The following TGIF2 variants were observed in gnomAD, a reference collection of about 807,000 sequenced individuals.
The protein encoded by TGIF2 is TGFB induced factor homeobox 2.
Under a neutral mutation model 15.1 loss-of-function variants are expected in TGIF2, and 5 were observed. The ratio of observed to expected loss-of-function variants is 0.33; its 90% CI spans 0.17 to 0.70. The LOEUF (loss-of-function observed/expected upper bound fraction) is 0.70. Among genes scored for constraint, TGIF2 ranks in the 30% least tolerant of loss-of-function variants. The pLI is 0.67. For synonymous variants in TGIF2, 131 were observed against 128.9 expected, an observed-to-expected ratio of 1.02 and a Z score of -0.11; for missense variants, 264 against 302.5, an observed-to-expected ratio of 0.87 and a Z score of 0.94.
intron 1 of TGIF2, among the ~76,000 whole-genome samples, chr20:36,576,754 G>T (rs544524854): frequency 2.9e-4 from 44 of 152,160 alleles, no homozygotes; most frequent in Non-Finnish European, 5.9e-4. Context: ...CTCTCAGATG[G>T]GAGGGCAGTA....
chr20:36,577,526 T>G (rs915237686), intron 1 of TGIF2, among the ~76,000 whole-genome samples: 10 of 146,312 alleles, frequency 6.8e-5, no homozygotes, highest in Admixed American at 5.4e-4. Flanking sequence ...TTGTTTTTGT[T>G]TTTTTTTTTT....
intron 2 of TGIF2, among the ~76,000 whole-genome samples, chr20:36,584,735 C>T (rs1452125914): frequency 6.6e-6 from 1 of 151,982 alleles, no homozygotes; most frequent in Admixed American, 6.6e-5. Flanking sequence ...TTAGTAAAGA[C>T]AGGGTTTCAC....
intron 2 of TGIF2, among the ~76,000 whole-genome samples, chr20:36,583,707 G>A (rs569049720): frequency 5.5e-4 from 84 of 152,260 alleles, no homozygotes; most frequent in African/African-American, 2.0e-3. Context: ...GGCCAGCCTG[G>A]CCAACATGGC....
Position 36,592,775 on chromosome 20 carries a change from CT to C in TGIF2, c.*1347del, listed in dbSNP as rs2038789528. 1 of 154,700 alleles carries C rather than the reference CT, an allele frequency of 6.5e-6. No individual in the cohort carries two copies. Among genetic ancestry groups the C allele is most frequent in the Admixed American group, 6.5e-5 (1 of 15,312 alleles). 9.6% of individuals were successfully genotyped at this position (154,700 alleles called of 1,614,324 possible). On this transcript the variant is annotated 3_prime_UTR_variant, in exon 3 of 3. Transcript: ENST00000373872. ...ATAACGATTGGTCTTATGCTCCTCC[CT>C]TTCCCCCATTTTTTCTTTTGCTGTT... is the stretch of plus-strand genomic sequence containing the variant.
In TGIF2 at chr20:36,576,352, G is replaced by A. The variant is rs112449943; in HGVS notation, c.-34-2389G>A. ...CAGGCTAAAGGGGCCTGACAAAGGAGAATGTCCAAGAAGCAACCAGTAGAG... is the reference window on the plus strand; with the variant it reads ...CAGGCTAAAGGGGCCTGACAAAGGAAAATGTCCAAGAAGCAACCAGTAGAG... On this transcript the variant is annotated intron_variant, in intron 1 of 2. Coordinates refer to ENST00000373872, the MANE Select transcript of TGIF2 (RefSeq NM_021809.7). Among the ~76,000 whole-genome samples the A allele has an allele frequency of 6.1e-3, 934 of 152,324 alleles. 10 individuals carry two copies. The highest frequency in any genetic ancestry group is 0.022 in the African/African-American group (902 of 41,562).
chr20:36,588,457 G>A (rs1256786050), intron 2 of TGIF2, among the ~76,000 whole-genome samples: 2 of 137,904 alleles, frequency 1.5e-5, no homozygotes, highest in Admixed American at 1.7e-4. Context: ...CCTCTGCCTT[G>A]TGGGTTCAAG....
chr20:36,586,349 C>T (rs2038657900), intron 2 of TGIF2, among the ~76,000 whole-genome samples: 1 of 152,096 alleles, frequency 6.6e-6, no homozygotes, highest in African/African-American at 2.4e-5. Flanking sequence ...AACTCCACCC[C>T]TCACCCCCAC....
chr20:36,580,450 T>C (rs2038520216), intron 2 of TGIF2, among the ~76,000 whole-genome samples: 1 of 151,900 alleles, frequency 6.6e-6, no homozygotes, highest in Middle Eastern at 3.4e-3. Context: ...TATTCCCTCA[T>C]CTGAAAAAAG....
At chr20:36,590,190 C>CA (rs1253262710) in intron 2 of TGIF2, among the ~76,000 whole-genome samples, 2 of 151,996 alleles carry the variant, frequency 1.3e-5, no homozygotes, top group East Asian at 3.9e-4. Flanking sequence ...TCCCTGGGCT[C>CA]AAGTGATCTG....
chr20:36,589,627 G>A (rs907670652), intron 2 of TGIF2, among the ~76,000 whole-genome samples: 6 of 151,852 alleles, frequency 4.0e-5, no homozygotes, highest in Non-Finnish European at 8.8e-5. Flanking sequence ...TCCTGACCTC[G>A]TGATCTGCCC....
chr20:36,590,854 C>T, intron 2 of TGIF2, 56 bp from the exon 3 acceptor site: 1 of 1,489,816 alleles, frequency 6.7e-7, no homozygotes, highest in Non-Finnish European at 9.0e-7. Flanking sequence ...CCACTGTGCC[C>T]AGCCCATAGC....
chr20:36,581,476 A>G (rs570711518), intron 2 of TGIF2, among the ~76,000 whole-genome samples: 1 of 152,298 alleles, frequency 6.6e-6, no homozygotes, highest in African/African-American at 2.4e-5. Flanking sequence ...ATAGAGTCCA[A>G]ACTGATCTAC....
At chr20:36,574,475 CCCCCTCCCCTCCCTT>C (rs2098383979) in intron 1 of TGIF2, 1 of 148,850 alleles carries the variant, frequency 6.7e-6, no homozygotes, top group African/African-American at 2.5e-5. Context: ...GGGAGCCCAG[CCCCCTCCCCTCCCTT>C]CCCCTCCCCT....
In TGIF2 at chr20:36,592,807, TTTTGTTTTTTG is replaced by T. The variant is rs2038790469; in HGVS notation, c.*1384_*1394del. The T allele has an allele frequency of 6.4e-6, 1 of 157,382 alleles. No homozygotes were observed. The allele number at this position is 157,382 out of a possible 1,614,324, so 9.7% of individuals were successfully genotyped here. On this transcript the variant is annotated 3_prime_UTR_variant, in exon 3 of 3. Transcript: ENST00000373872. The stretch of plus-strand genomic sequence containing the variant: ...CCATTTTTTCTTTTGCTGTTTTGTT[TTTTGTTTTTTG>T]TTTGTTTGTTTGTTTTTTTGAGACA...
intron 2 of TGIF2, among the ~76,000 whole-genome samples, chr20:36,590,209 G>A (rs6015997): frequency 0.025 from 3,772 of 152,218 alleles, 157 homozygotes; most frequent in African/African-American, 0.086. Context: ...TGCCCACCTC[G>A]GCCTCCCAAA....
intron 2 of TGIF2, among the ~76,000 whole-genome samples, chr20:36,590,529 C>T (rs548722612): frequency 8.5e-6 from 1 of 118,182 alleles, no homozygotes; most frequent in African/African-American, 2.6e-5. Context: ...CTTCCATGTT[C>T]TGGGGTCCTG....
chr20:36,590,675 C>T (rs1047121778), intron 2 of TGIF2, among the ~76,000 whole-genome samples: 37 of 152,182 alleles, frequency 2.4e-4, no homozygotes, highest in Admixed American at 7.2e-4. Flanking sequence ...AGCTATCTTC[C>T]GATCTCAGGC....
chr20:36,589,187 CTTG>C (rs1444670076), intron 2 of TGIF2, among the ~76,000 whole-genome samples: 4 of 152,082 alleles, frequency 2.6e-5, no homozygotes, highest in Non-Finnish European at 4.4e-5. Context: ...CTGTTGGGGG[CTTG>C]TTGGTGGTTA....
chr20:36,578,614 T>G, intron 1 of TGIF2, 127 bp from the exon 2 acceptor site: 146 of 1,060,920 alleles, frequency 1.4e-4, no homozygotes, highest in Middle Eastern at 3.2e-4. Flanking sequence ...TGTTACGGCC[T>G]GAGATTCTGA....
Sources: allele counts gnomAD v4.1 joint callset (sites outside exome capture counted in the v4.1 genomes callset), GRCh38; gene constraint gnomAD v4.1.1; transcripts MANE v1.5; gene names NCBI Gene and HGNC (gene_info 2026-07-23, HGNC 2026-07-21).